Variants in LINGO2 observed in about 807,000 individuals in gnomAD.
LINGO2 encodes the protein leucine rich repeat and Ig domain containing 2.
A neutral mutation model predicts 30.6 loss-of-function variants in LINGO2; 14 were observed. The observed-to-expected ratio is 0.46, with a 90% CI of 0.30 to 0.72. The LOEUF (loss-of-function observed/expected upper bound fraction) is 0.72. Among genes scored for constraint, LINGO2 ranks in the 30% least tolerant of loss-of-function variants. The pLI, the probability that LINGO2 is intolerant of heterozygous loss-of-function variation, is 0.07. For missense variants in LINGO2, 729 were observed against 751.7 expected (o/e 0.97, Z 0.35); for synonymous variants, 317 against 288.5 (o/e 1.10, Z -1.00).
intron 1 of LINGO2, among the ~76,000 whole-genome samples, chr9:28,608,372 A>G (rs1049757761): frequency 3.3e-5 from 5 of 152,026 alleles, no homozygotes; most frequent in African/African-American, 4.8e-5. Context: ...TTTGAACTTA[A>G]GATTGAATGC....
downstream of LINGO2, chr9:27,943,946 C>T (rs1334671196): frequency 2.0e-5 from 3 of 152,318 alleles, no homozygotes; most frequent in Non-Finnish European, 4.4e-5. Flanking sequence ...CCTTGGTAAA[C>T]TTGAGAAAGG....
chr9:28,065,034 C>G (rs966606536), intron 4 of LINGO2, among the ~76,000 whole-genome samples: 6 of 151,478 alleles, frequency 4.0e-5, no homozygotes, highest in Middle Eastern at 3.2e-3. Context: ...CCTACACATG[C>G]TGCTTGAGGA....
chr9:28,154,553 A>G (rs1350444879), intron 4 of LINGO2, among the ~76,000 whole-genome samples: 1 of 152,174 alleles, frequency 6.6e-6, no homozygotes, highest in Non-Finnish European at 1.5e-5. Context: ...TTCACAGAGT[A>G]CTGTGTTTCT....
At chr9:28,673,650 G>C (rs1270187188), upstream of LINGO2, among the ~76,000 whole-genome samples, 2 of 149,558 alleles carry the variant, frequency 1.3e-5, no homozygotes, top group Non-Finnish European at 3.0e-5. Context: ...CTGGGAAACA[G>C]AGTGAGACTC....
At chr9:28,537,831 T>C (rs993524961) in intron 1 of LINGO2, among the ~76,000 whole-genome samples, 3 of 151,310 alleles carry the variant, frequency 2.0e-5, no homozygotes, top group African/African-American at 4.9e-5. Context: ...TGAAGAAAGA[T>C]TGAGTCCTGA....
At chr9:28,949,763 G>A in the LINGO2 span, among the ~76,000 whole-genome samples, 1 of 152,106 alleles carries the variant, frequency 6.6e-6, no homozygotes, top group Non-Finnish European at 1.5e-5. Context: ...CATTTTATGA[G>A]GCTAGCATCA....
intron 3 of LINGO2, among the ~76,000 whole-genome samples, chr9:28,355,899 A>C (rs538741937): frequency 4.5e-4 from 69 of 152,270 alleles, no homozygotes; most frequent in African/African-American, 1.4e-3. Context: ...GTGCAAGAAA[A>C]CCTTAAACTG....
intron 2 of LINGO2, among the ~76,000 whole-genome samples, chr9:28,435,547 A>G (rs1823889833): frequency 6.6e-6 from 1 of 152,212 alleles, no homozygotes; most frequent in Non-Finnish European, 1.5e-5. Context: ...TCTGACATCA[A>G]GATTACTGTG....
At chr9:28,845,695 T>C in the LINGO2 span, among the ~76,000 whole-genome samples, 3 of 151,772 alleles carry the variant, frequency 2.0e-5, no homozygotes, top group Non-Finnish European at 4.4e-5. Context: ...GTATTCAATA[T>C]TTATATTAAA....
At chr9:28,069,431 G>T (rs1437625568) in intron 4 of LINGO2, among the ~76,000 whole-genome samples, 5 of 152,140 alleles carry the variant, frequency 3.3e-5, no homozygotes, top group African/African-American at 1.2e-4. Context: ...GGAAGAGCAG[G>T]TTGTCTAATG....
intron 4 of LINGO2, among the ~76,000 whole-genome samples, chr9:28,181,178 G>C (rs916217750): frequency 6.6e-6 from 1 of 152,076 alleles, no homozygotes; most frequent in Non-Finnish European, 1.5e-5. Context: ...GCAAAATCAC[G>C]TGCAGCTCTT....
intron 4 of LINGO2, among the ~76,000 whole-genome samples, chr9:28,084,211 T>G (rs1164286842): frequency 6.6e-6 from 1 of 152,192 alleles, no homozygotes; most frequent in Non-Finnish European, 1.5e-5. Context: ...TTTCATTGTT[T>G]TAAAAGAGAC....
intron 2 of LINGO2, among the ~76,000 whole-genome samples, chr9:28,466,585 A>C (rs1310796802): frequency 1.3e-5 from 2 of 152,166 alleles, no homozygotes; most frequent in African/African-American, 4.8e-5. Context: ...TTTTGAAATA[A>C]ATGAAAGAGT....
chr9:28,523,479 A>G (rs188380603), intron 1 of LINGO2, among the ~76,000 whole-genome samples: 20 of 152,268 alleles, frequency 1.3e-4, no homozygotes, highest in Admixed American at 4.6e-4. Flanking sequence ...AACAATAAAT[A>G]AAAGAACTCC....
At chr9:28,351,159 C>T (rs1185048210) in intron 3 of LINGO2, among the ~76,000 whole-genome samples, 1 of 150,790 alleles carries the variant, frequency 6.6e-6, no homozygotes, top group East Asian at 1.9e-4. Context: ...CAGAGCAGAA[C>T]TGAAGGAAAA....
At chr9:27,965,522 T>C (rs941783885) in intron 5 of LINGO2, among the ~76,000 whole-genome samples, 3 of 152,100 alleles carry the variant, frequency 2.0e-5, no homozygotes, top group Admixed American at 6.6e-5. Context: ...GGACTGTATC[T>C]ATCTGAAAAC....
the LINGO2 span, among the ~76,000 whole-genome samples, chr9:29,146,818 A>G: frequency 6.6e-6 from 1 of 152,198 alleles, no homozygotes. Context: ...CTCCAGAAAT[A>G]AGGTAATTCT....
the LINGO2 span, among the ~76,000 whole-genome samples, chr9:28,933,153 C>G: frequency 6.6e-6 from 1 of 152,182 alleles, no homozygotes; most frequent in East Asian, 1.9e-4. Context: ...GTGATCTGCC[C>G]ACCTCAGCCT....
At chr9:29,031,572 C>G in the LINGO2 span, among the ~76,000 whole-genome samples, 2 of 152,000 alleles carry the variant, frequency 1.3e-5, no homozygotes, top group African/African-American at 2.4e-5. Flanking sequence ...TGTGAGCCAC[C>G]GCACCCAGCT....
Sources: gnomAD v4.1 joint callset for allele counts (sites outside exome capture counted in the v4.1 genomes callset) on GRCh38, gnomAD v4.1.1 for gene constraint, MANE v1.5 for transcripts, NCBI Gene and HGNC (gene_info 2026-07-23, HGNC 2026-07-21) for gene names.